TRMT9B: variants seen among roughly 807,000 people sequenced by gnomAD.
TRMT9B encodes probable tRNA methyltransferase 9B.
In TRMT9B, 16 loss-of-function variants were observed where a neutral mutation model predicts 11.5. The ratio of observed to expected loss-of-function variants is 1.39; its 90% CI spans 0.94 to 2.11. The LOEUF (loss-of-function observed/expected upper bound fraction) is 2.11. Among genes scored for constraint, TRMT9B ranks in the 30% most tolerant of loss-of-function variants. The pLI is 0.00. For missense variants in TRMT9B, 941 were observed against 553.8 expected (o/e 1.70, Z -7.02); for synonymous variants, 274 against 192.4 (o/e 1.42, Z -3.51).
chr8:13,010,243 T>C (rs1025669589), intron 3 of TRMT9B: 2 of 883,858 alleles, frequency 2.3e-6, no homozygotes, highest in African/African-American at 3.6e-5. Context: ...ATCTTTTGAA[T>C]TTTGTACTAT....
At chr8:12,981,046 C>T (rs1379271404) in intron 1 of TRMT9B, among the ~76,000 whole-genome samples, 1 of 151,760 alleles carries the variant, frequency 6.6e-6, no homozygotes, top group Admixed American at 6.6e-5. Context: ...AGTCACTATG[C>T]GGATTCCTTT....
At chr8:12,999,571 C>G (rs984157653) in intron 2 of TRMT9B, among the ~76,000 whole-genome samples, 55 of 152,128 alleles carry the variant, frequency 3.6e-4, no homozygotes, top group Admixed American at 3.5e-3. Flanking sequence ...GTTGAATTGG[C>G]TAGAGTTCCA....
chr8:12,978,563 G>T (rs557787045), intron 1 of TRMT9B, among the ~76,000 whole-genome samples: 2 of 148,410 alleles, frequency 1.3e-5, no homozygotes, highest in African/African-American at 4.9e-5. Flanking sequence ...TAGATAGATA[G>T]ATAGATTCTT....
In TRMT9B at chr8:13,021,490, T is replaced by G; in HGVS notation, c.811T>G (p.Leu271Val). The part of the protein sequence containing the change: ...LRKQIERVRP[L>V]KNTEVWASST... Reference sequence around the variant, plus strand: ...GAAGCAAATTGAAAGAGTAAGACCCTTGAAAAACACAGAAGTTTGGGCCAG... The same window carrying G: ...GAAGCAAATTGAAAGAGTAAGACCCGTGAAAAACACAGAAGTTTGGGCCAG... The change falls in exon 5 of 5, where the codon TTG (leucine) becomes GTG (valine). Residue 271 changes from leucine (L) to valine (V), a missense_variant. Coordinates refer to ENST00000524591, the MANE Select transcript of TRMT9B (RefSeq NM_020844.3). 6.2e-7 allele frequency: 1 copy of G among 1,613,692 alleles called. No homozygotes were observed. The highest frequency in any genetic ancestry group is 8.5e-7 in the Non-Finnish European group (1 of 1,179,678).
At chr8:13,010,507 A>T in intron 3 of TRMT9B, 1 of 984,056 alleles carries the variant, frequency 1.0e-6, no homozygotes, top group Non-Finnish European at 1.2e-6. Flanking sequence ...AAATATTTAA[A>T]ATTCTTTTAT....
intron 1 of TRMT9B, among the ~76,000 whole-genome samples, chr8:12,976,045 T>G (rs1804396501): frequency 6.6e-6 from 1 of 152,182 alleles, no homozygotes; most frequent in Non-Finnish European, 1.5e-5. Context: ...TATTGAAATA[T>G]GAAGGACATA....
chr8:12,954,694 G>A lies in TRMT9B; in HGVS notation c.-200+8728G>A, dbSNP rs181268563. ...ACAGACTGAAGAGTGATGCCAAATG[G>A]CCATTTAAATGTCCTTCAGCTTTTG... On this transcript the variant is annotated intron_variant, in intron 1 of 4. Coordinates refer to ENST00000524591, the MANE Select transcript of TRMT9B (RefSeq NM_020844.3). Among the ~76,000 whole-genome samples the A allele has an allele frequency of 1.1e-3, 169 of 152,304 alleles. 1 individual carries two copies. The highest frequency in any genetic ancestry group is 3.7e-3 in the African/African-American group (152 of 41,570).
chr8:13,010,757 T>A (rs1298917983), intron 3 of TRMT9B: 1 of 983,894 alleles, frequency 1.0e-6, no homozygotes, highest in African/African-American at 1.8e-5. Flanking sequence ...AAAAAGCAAA[T>A]GAATTGCAAG....
chr8:12,966,140 A>G (rs1237560180), intron 1 of TRMT9B, among the ~76,000 whole-genome samples: 2 of 120,198 alleles, frequency 1.7e-5, no homozygotes, highest in Non-Finnish European at 2.0e-5. Context: ...AGCCTGGGCA[A>G]CATAGTAAGA....
chr8:13,010,209 G>T, intron 3 of TRMT9B: 1 of 853,338 alleles, frequency 1.2e-6, no homozygotes, highest in South Asian at 5.4e-5. Context: ...TACATCTATA[G>T]TAAATATCTT....
At chr8:12,985,377 G>C (rs1244403940) in intron 1 of TRMT9B, among the ~76,000 whole-genome samples, 2 of 152,168 alleles carry the variant, frequency 1.3e-5, no homozygotes, top group Non-Finnish European at 2.9e-5. Context: ...TCATTAAGGA[G>C]TTCTGTGTAG....
chr8:12,965,351 C>G (rs748896961), intron 1 of TRMT9B, among the ~76,000 whole-genome samples: 14 of 152,152 alleles, frequency 9.2e-5, no homozygotes, highest in Non-Finnish European at 1.6e-4. Context: ...ACAGTGAACA[C>G]AGAGCATAGA....
chr8:12,957,784 T>G (rs1391212574), intron 1 of TRMT9B, among the ~76,000 whole-genome samples: 1 of 152,220 alleles, frequency 6.6e-6, no homozygotes, highest in East Asian at 1.9e-4. Context: ...CATAGAATTT[T>G]GTATTTTGCA....
intron 3 of TRMT9B, chr8:13,011,795 G>T (rs1811657334): frequency 1.0e-6 from 1 of 955,384 alleles, no homozygotes; most frequent in African/African-American, 1.8e-5. Context: ...TGGACCCATA[G>T]AGATCATTTT....
At chr8:12,946,900 C>G (rs1034302717) in intron 1 of TRMT9B, among the ~76,000 whole-genome samples, 3 of 152,148 alleles carry the variant, frequency 2.0e-5, no homozygotes, top group African/African-American at 7.2e-5. Context: ...GAAGGTCTTC[C>G]AGGTTTCAGA....
chr8:13,010,595 C>T, intron 3 of TRMT9B: 4 of 985,282 alleles, frequency 4.1e-6, no homozygotes, highest in Non-Finnish European at 4.8e-6. Context: ...GCACTGGAAG[C>T]ATGTCAGGAG....
chr8:12,957,110 G>T (rs1460540139), intron 1 of TRMT9B, among the ~76,000 whole-genome samples: 1 of 152,194 alleles, frequency 6.6e-6, no homozygotes, highest in African/African-American at 2.4e-5. Context: ...AGAGAAAGTG[G>T]TGTATTCTCT....
intron 1 of TRMT9B, among the ~76,000 whole-genome samples, chr8:12,959,737 C>A (rs1039285534): frequency 6.6e-6 from 1 of 151,986 alleles, no homozygotes; most frequent in Admixed American, 6.6e-5. Context: ...CTACTTTGCC[C>A]AGGCTGGTCT....
At chr8:13,006,667 A>G in intron 3 of TRMT9B, 16 of 1,348,932 alleles carry the variant, frequency 1.2e-5, no homozygotes, top group Non-Finnish European at 1.5e-5. Context: ...TCAAACTTTT[A>G]TTTTATTTTT....
Sources: allele counts gnomAD v4.1 joint callset (sites outside exome capture counted in the v4.1 genomes callset), GRCh38; gene constraint gnomAD v4.1.1; transcripts MANE v1.5; gene names NCBI Gene and HGNC (gene_info 2026-07-23, HGNC 2026-07-21).